The following SH3TC2 variants were observed in gnomAD, a reference collection of about 807,000 sequenced individuals.
SH3TC2 encodes SH3 domain and tetratricopeptide repeats 2, also known as SH3 domain and tetratricopeptide repeat-containing protein 2.
SH3TC2 carries 87 observed loss-of-function variants against 124.5 expected under a neutral mutation model. That is an observed-to-expected ratio of 0.70 (90% confidence interval 0.59 to 0.84). The LOEUF is 0.84. Ranked by LOEUF, SH3TC2 falls within the 40% of genes least tolerant of loss-of-function variation. The pLI, the probability that SH3TC2 is intolerant of heterozygous loss-of-function variation, is 0.00. For missense variants in SH3TC2, 1,536 were observed against 1,566.4 expected (o/e 0.98, Z 0.33); for synonymous variants, 634 against 628.5 (o/e 1.01, Z -0.13).
At chr5:149,025,947 T>G (rs1355300765) in intron 12 of SH3TC2, 2 of 153,190 alleles carry the variant, frequency 1.3e-5, no homozygotes, top group African/African-American at 2.4e-5. Context: ...TAAGACTTAA[T>G]GCAAAGTTGA....
intron 14 of SH3TC2, 52 bp downstream of exon 14, chr5:149,010,218 T>A: frequency 6.2e-7 from 1 of 1,613,496 alleles, no homozygotes; most frequent in Non-Finnish European, 8.5e-7. Flanking sequence ...GCCTGACCCT[T>A]CCCATGCCCG....
At position 149,028,305 on chromosome 5, in the gene SH3TC2, T is replaced by G; in HGVS notation, c.1427A>C (p.His476Pro). Reference sequence around the variant, plus strand: ...CTTAAAGTGGTCAGCATAACCCTCATGATCCAGAAAAGCCAATATGGGGGC... The same window carrying G: ...CTTAAAGTGGTCAGCATAACCCTCAGGATCCAGAAAAGCCAATATGGGGGC... ...NFAPILAFLD[H>P]EGYADHFKSL... The change falls in exon 11 of 17, where the codon CAT becomes CCT. Residue 476 changes from histidine (H) to proline (P), a missense_variant. By Grantham distance (77) the His-to-Pro change is moderately conservative. Transcript: ENST00000515425. The G allele has an allele frequency of 1.2e-6, 2 of 1,613,980 alleles. No individual in the cohort carries two copies. The highest frequency in any genetic ancestry group is 1.7e-6 in the Non-Finnish European group (2 of 1,180,010).
intron 13 of SH3TC2, among the ~76,000 whole-genome samples, chr5:149,012,299 G>A (rs552630265): frequency 5.4e-4 from 83 of 152,300 alleles, no homozygotes; most frequent in Middle Eastern, 6.8e-3. Context: ...TAGTTAACGG[G>A]ACAAGTGACG....
intron 3 of SH3TC2, chr5:149,047,011 A>T (rs149516655): frequency 7.2e-4 from 110 of 152,340 alleles, no homozygotes; most frequent in African/African-American, 2.6e-3. Flanking sequence ...ATTCATGCAG[A>T]AACTGTAAAA....
chr5:149,027,674 T>C lies in SH3TC2; in HGVS notation c.2058A>G (p.Pro686=). ...GCTGGACAGAGGCCACTGCAAGGTG[T>C]GGAAGATATTTCTTGTCATACAGAA... is the stretch of plus-strand genomic sequence containing the variant. ...LSFLYDKKYL[P]HLAVASVQQH... Residue 686 remains proline (P), a synonymous_variant, in exon 11 of 17, where the codon CCA becomes CCG. Transcript: ENST00000515425. The C allele has an allele frequency of 6.2e-7, 1 of 1,614,204 alleles. No individual in the cohort carries two copies. The highest frequency in any genetic ancestry group is 8.5e-7 in the Non-Finnish European group (1 of 1,180,006).
intron 12 of SH3TC2, 119 bp downstream of exon 12, chr5:149,026,453 C>G: frequency 7.8e-7 from 1 of 1,282,942 alleles, no homozygotes; most frequent in South Asian, 1.2e-5. Flanking sequence ...AGCCCTTGCT[C>G]TTTTGCACAA....
chr5:149,047,151 A>G (rs1420105919), intron 3 of SH3TC2: 1 of 152,654 alleles, frequency 6.6e-6, no homozygotes, highest in Non-Finnish European at 1.5e-5. Context: ...TAATTTGATC[A>G]TACCATTCTT....
chr5:149,057,321 T>TC (rs1754665997), intron 1 of SH3TC2, among the ~76,000 whole-genome samples: 1 of 152,208 alleles, frequency 6.6e-6, no homozygotes, highest in Non-Finnish European at 1.5e-5. Flanking sequence ...TGGGAACATT[T>TC]CCATACGCTT....
rs1009669611 is a variant in SH3TC2 at position 149,003,871 on chromosome 5, A to G, written c.*840T>C. 1 of 373,064 alleles carries G rather than the reference A, an allele frequency of 2.7e-6. No individual in the cohort carries two copies. The highest frequency in any genetic ancestry group is 5.3e-6 in the Non-Finnish European group (1 of 189,336). The allele number at this position is 373,064 out of a possible 1,614,324, so 23.1% of individuals were successfully genotyped here. On this transcript the variant is annotated 3_prime_UTR_variant, in exon 17 of 17. Transcript: ENST00000515425. Reference sequence around the variant, plus strand: ...TCTCAAAAAAAAAAAAAAAAAAAAAAGACATGTATTGGTATTCTCTCCCAT... The same window carrying G: ...TCTCAAAAAAAAAAAAAAAAAAAAAGGACATGTATTGGTATTCTCTCCCAT...
At position 149,052,186 on chromosome 5, in the gene SH3TC2, G is replaced by A; in HGVS notation, c.107C>T (p.Ser36Phe). 2 of 1,613,780 alleles carry A rather than the reference G, an allele frequency of 1.2e-6. No homozygotes were observed. Among genetic ancestry groups the A allele is most frequent in the Non-Finnish European group, 1.7e-6 (2 of 1,179,702 alleles). The change falls in exon 2 of 17, where the codon TCT becomes TTT. Residue 36 changes from serine (S) to phenylalanine (F), a missense_variant. By Grantham distance (155) the Ser-to-Phe change is radical. This residue lies in a region of SH3TC2 where 1,102 missense variants were observed against 1,098.6 expected (regional missense o/e 1.00). Coordinates refer to ENST00000515425, the MANE Select transcript of SH3TC2 (RefSeq NM_024577.4). Reference sequence around the variant, plus strand: ...CAGAAAACATTTTTCCTTGTATTCAGATGAGGCTATACACTCACTCGATAC... The same window carrying A: ...CAGAAAACATTTTTCCTTGTATTCAAATGAGGCTATACACTCACTCGATAC... ...PTVSSECIAS[S>F]EYKEKCFLPQ...
intron 1 of SH3TC2, among the ~76,000 whole-genome samples, chr5:149,060,653 A>G (rs1754730777): frequency 6.6e-6 from 1 of 152,226 alleles, no homozygotes; most frequent in African/African-American, 2.4e-5. Context: ...CCCAGGAAAC[A>G]TAAGTACAGA....
rs540454066 is a variant in SH3TC2, at chr5:149,023,004, T to A, written c.3053+3568A>T. On this transcript the variant is annotated intron_variant, in intron 12 of 16. Transcript: ENST00000515425. ...TGTGTGAATATACTGAAAACTAAAT[T>A]TCATACTTCAAAAGGCTGAATTTTA... is the stretch of plus-strand genomic sequence containing the variant. Among the ~76,000 whole-genome samples the A allele has an allele frequency of 3.9e-5, 6 of 152,324 alleles. No homozygotes were observed. In the South Asian group the frequency reaches 1.2e-3, roughly 32 times the overall value.
At chr5:149,036,729 C>T (rs577557885) in intron 8 of SH3TC2, among the ~76,000 whole-genome samples, 121 of 152,262 alleles carry the variant, frequency 7.9e-4, no homozygotes, top group South Asian at 1.7e-3. Context: ...TGGTTGCCCA[C>T]CAGCCCCACC....
intron 3 of SH3TC2, chr5:149,047,533 G>A (rs557061458): frequency 1.7e-4 from 53 of 319,770 alleles, no homozygotes; most frequent in African/African-American, 1.1e-3. Context: ...TACCGCATTA[G>A]AAAAAAAGTA....
chr5:149,010,589 T>C (rs1312183965), intron 13 of SH3TC2, among the ~76,000 whole-genome samples, 197 bp from the exon 14 acceptor site: 1 of 152,184 alleles, frequency 6.6e-6, no homozygotes, highest in Non-Finnish European at 1.5e-5. Context: ...CCCATCCTGT[T>C]ATGAGAGATT....
chr5:149,035,814 G>A (rs536007981), intron 8 of SH3TC2: 2 of 152,302 alleles, frequency 1.3e-5, no homozygotes, highest in East Asian at 1.9e-4. Flanking sequence ...AACTAAGCCA[G>A]TGAAAATATG....
At chr5:149,029,733 G>A (rs971325079) in intron 9 of SH3TC2, among the ~76,000 whole-genome samples, 20 of 152,084 alleles carry the variant, frequency 1.3e-4, no homozygotes, top group African/African-American at 3.6e-4. Flanking sequence ...AAGTGCAACC[G>A]GACTAGGTAA....
chr5:149,047,607 T>A, intron 3 of SH3TC2: 1 of 464,770 alleles, frequency 2.2e-6, no homozygotes, highest in Non-Finnish European at 4.0e-6. Context: ...TTGTCAAAGA[T>A]CACAACTAAT....
chr5:149,028,427 G>A lies in SH3TC2; in HGVS notation c.1305C>T (p.Thr435=), dbSNP rs774971119. 8 of 1,613,592 alleles carry A rather than the reference G, an allele frequency of 5.0e-6. No homozygotes were observed. The highest frequency in any genetic ancestry group is 2.7e-5 in the African/African-American group (2 of 74,898). ...GCTCCGGCAGGCGATAGCTGTCTGA[G>A]GTGGCCGAGAGGAGCTCCTCCTCCA... is the stretch of plus-strand genomic sequence containing the variant. ...SSLEEELLSA[T]SDSYRLPEPD... is the part of the protein sequence containing the mutation. Residue 435 remains threonine, a synonymous_variant, in exon 11 of 17, where the codon ACC becomes ACT. Coordinates refer to ENST00000515425, the MANE Select transcript of SH3TC2 (RefSeq NM_024577.4).
Sources: allele counts gnomAD v4.1 joint callset (sites outside exome capture counted in the v4.1 genomes callset), GRCh38; gene constraint gnomAD v4.1.1; regional missense constraint gnomAD v4.1.1; transcripts MANE v1.5; gene names NCBI Gene and HGNC (gene_info 2026-07-23, HGNC 2026-07-21).